The following FABP6 variants were observed in gnomAD, a reference collection of about 807,000 sequenced individuals.
The protein encoded by FABP6 is gastrotropin.
In FABP6, 13 loss-of-function variants were observed where a neutral mutation model predicts 14.9. The observed-to-expected ratio is 0.87, with a 90% CI of 0.57 to 1.39. FABP6 has a LOEUF of 1.39. Ranked by LOEUF, FABP6 falls within the 40% of genes most tolerant of loss-of-function variation. The probability of loss-of-function intolerance (pLI) is 0.00; values close to 1 mark genes in which losing one functional copy is unlikely to be tolerated. For synonymous variants in FABP6, 75 were observed against 63.6 expected (o/e 1.18, Z -0.85); for missense variants, 161 against 167.2 (o/e 0.96, Z 0.20).
exon 1 of FABP6, chr5:160,187,429 C>G (rs1580891525): frequency 6.6e-6 from 1 of 152,092 alleles, no homozygotes; most frequent in African/African-American, 2.4e-5. Flanking sequence ...TGGAGGAAGG[C>G]AGCTGGCAAG....
At chr5:160,194,633 T>C (rs1045033891) in intron 1 of FABP6, among the ~76,000 whole-genome samples, 3 of 152,188 alleles carry the variant, frequency 2.0e-5, no homozygotes, top group African/African-American at 7.2e-5. Context: ...GGACACCCTC[T>C]GCGTAGAACA....
At chr5:160,233,807 G>A (rs1760446282) in intron 2 of FABP6, among the ~76,000 whole-genome samples, 2 of 151,282 alleles carry the variant, frequency 1.3e-5, no homozygotes, top group African/African-American at 2.4e-5. Flanking sequence ...TGGAGGCGGA[G>A]GTTACAGTGA....
chr5:160,214,085 CTTTCTCTT>C (rs1393505162), intron 3 of FABP6, among the ~76,000 whole-genome samples: 1 of 146,506 alleles, frequency 6.8e-6, no homozygotes, highest in Admixed American at 6.8e-5. Flanking sequence ...TTTTGCCTGC[CTTTCTCTT>C]TCTTTCTTTC....
At chr5:160,238,264 T>G (rs1431507428) in intron 3 of FABP6, among the ~76,000 whole-genome samples, 1 of 152,170 alleles carries the variant, frequency 6.6e-6, no homozygotes, top group Admixed American at 6.5e-5. Context: ...TTCTCTAAAC[T>G]TCAATTTTCC....
intron 3 of FABP6, among the ~76,000 whole-genome samples, chr5:160,218,400 C>T (rs976776120): frequency 6.6e-6 from 1 of 151,016 alleles, no homozygotes; most frequent in Non-Finnish European, 1.5e-5. Context: ...GTCTCTGTCT[C>T]TTTCGTGTCT....
chr5:160,195,004 G>T (rs1270527098), intron 1 of FABP6, among the ~76,000 whole-genome samples: 3 of 152,152 alleles, frequency 2.0e-5, no homozygotes, highest in Non-Finnish European at 4.4e-5. Context: ...CTCCTTCCTG[G>T]CTGGGTGCAG....
intron 1 of FABP6, among the ~76,000 whole-genome samples, chr5:160,230,619 C>T (rs1760357213): frequency 1.3e-5 from 2 of 152,166 alleles, no homozygotes; most frequent in South Asian, 4.2e-4. Context: ...ACCTCGGCCT[C>T]CCAAAATGCT....
upstream of FABP6, among the ~76,000 whole-genome samples, chr5:160,228,230 A>G (rs184235500): frequency 2.2e-4 from 34 of 152,056 alleles, no homozygotes; most frequent in East Asian, 6.2e-3. Flanking sequence ...CGTCTCTACT[A>G]AAAATACAAA....
At chr5:160,237,553 A>C (rs1322099085) in intron 3 of FABP6, among the ~76,000 whole-genome samples, 1 of 151,902 alleles carries the variant, frequency 6.6e-6, no homozygotes, top group Non-Finnish European at 1.5e-5. Context: ...GCCTTCCGCC[A>C]CCAGCACCCC....
At position 160,213,780 on chromosome 5, in the gene FABP6, A is replaced by G. The variant is rs549105081; in HGVS notation, c.96A>G (p.Lys32=). Reference sequence around the variant, plus strand: ...CTGCGTGCACATGGGTGAGCCGGAAAGGAGACCTGCAGAGAATGAAACAGA... The same window carrying G: ...CTGCGTGCACATGGGTGAGCCGGAAGGGAGACCTGCAGAGAATGAAACAGA... Residue 32 remains lysine, a synonymous_variant, in exon 3 of 7, where the codon AAA becomes AAG. Transcript: ENST00000393980. 1.3e-5 allele frequency: 21 copies of G among 1,613,956 alleles called. No individual in the cohort carries two copies. In the South Asian group the frequency reaches 2.0e-4, roughly 15 times the overall value.
At chr5:160,193,771 C>A (rs1039129618) in intron 1 of FABP6, among the ~76,000 whole-genome samples, 3 of 152,236 alleles carry the variant, frequency 2.0e-5, no homozygotes, top group Admixed American at 1.3e-4. Flanking sequence ...TTTTTACAAT[C>A]CCTGAGCTAG....
intron 1 of FABP6, 140 bp downstream of exon 1, chr5:160,229,764 G>A (rs1760328588): frequency 1.5e-6 from 1 of 655,844 alleles, no homozygotes; most frequent in East Asian, 2.7e-5. Flanking sequence ...CACATTTGTT[G>A]AGCAACTGCT....
chr5:160,234,867 C>T lies in FABP6; in HGVS notation c.291C>T (p.Asn97=). The T allele has an allele frequency of 6.2e-7, 1 of 1,611,400 alleles. No homozygotes were observed. The highest frequency in any genetic ancestry group is 8.5e-7 in the Non-Finnish European group (1 of 1,178,608). ...GGAAGCTGGTGGTGAATTTCCCCAA[C>T]TATCACCAGACCTCAGAGATCGTGG... ...EGGKLVVNFP[N]YHQTSEIVGD... is the part of the protein sequence containing the mutation. Residue 97 remains asparagine (N), a synonymous_variant, in exon 3 of 4, where the codon AAC becomes AAT. Coordinates refer to ENST00000402432, the MANE Select transcript of FABP6 (RefSeq NM_001445.3).
chr5:160,200,694 G>A lies in FABP6; in HGVS notation c.51+1537G>A, dbSNP rs1239433908. On this transcript the variant is annotated intron_variant, in intron 2 of 6. Transcript: ENST00000393980. ...CTCCCAAAGTGCTGGGGTTACAGGC[G>A]TGAGCCACCGCACCCGGCAAGTCTT... Among the ~76,000 whole-genome samples, 7 of 152,156 alleles carry A rather than the reference G, an allele frequency of 4.6e-5. No homozygotes were observed. In the South Asian group the frequency reaches 6.2e-4, roughly 13 times the overall value.
chr5:160,194,243 G>A (rs899504000), intron 1 of FABP6, among the ~76,000 whole-genome samples: 4 of 152,332 alleles, frequency 2.6e-5, no homozygotes, highest in South Asian at 4.1e-4. Flanking sequence ...GCCCGCAAGC[G>A]CCGCACGCAT....
At chr5:160,218,903 C>T (rs892716393) in intron 3 of FABP6, among the ~76,000 whole-genome samples, 38 of 152,184 alleles carry the variant, frequency 2.5e-4, no homozygotes, top group African/African-American at 9.1e-4. Flanking sequence ...GGACTACAGG[C>T]GCAAGCCACC....
Position 160,238,647 on chromosome 5 carries a change from G to C in FABP6, c.375G>C (p.Lys125Asn). 1 of 1,614,030 alleles carries C rather than the reference G, an allele frequency of 6.2e-7. No individual in the cohort carries two copies. The highest frequency in any genetic ancestry group is 1.1e-5 in the South Asian group (1 of 91,076). Residue 125 changes from lysine to asparagine, a missense_variant, in exon 4 of 4, where the codon AAG becomes AAC. Transcript: ENST00000402432. ...IGGVTYERVS[K>N]RLA ...GCGTGACCTATGAGCGCGTGAGCAA[G>C]AGACTGGCCTAAGCAGCCAGGCCCG... is the stretch of plus-strand genomic sequence containing the variant.
intron 2 of FABP6, among the ~76,000 whole-genome samples, chr5:160,212,538 C>T (rs1034877087): frequency 6.6e-6 from 1 of 151,210 alleles, no homozygotes; most frequent in African/African-American, 2.4e-5. Context: ...GCACGATCTC[C>T]GCTCACTGCA....
chr5:160,217,993 CA>C (rs1190594447), intron 3 of FABP6, among the ~76,000 whole-genome samples: 3 of 152,112 alleles, frequency 2.0e-5, no homozygotes, highest in African/African-American at 7.2e-5. Context: ...GGAGGTAGTG[CA>C]GTGGCACAAA....
Sources: gnomAD v4.1 joint callset for allele counts (sites outside exome capture counted in the v4.1 genomes callset) on GRCh38, gnomAD v4.1.1 for gene constraint, MANE v1.5 for transcripts, NCBI Gene and HGNC (gene_info 2026-07-23, HGNC 2026-07-21) for gene names.